Variants in SEMA4D observed in about 807,000 individuals in gnomAD.
SEMA4D encodes the protein semaphorin-4D.
In SEMA4D, 22 loss-of-function variants were observed where a neutral mutation model predicts 74.8. The ratio of observed to expected loss-of-function variants is 0.29; its 90% CI spans 0.21 to 0.42. The LOEUF (loss-of-function observed/expected upper bound fraction) is 0.42, where lower values mean the gene tolerates loss of function less well. Among genes scored for constraint, SEMA4D ranks in the 10% least tolerant of loss-of-function variants. The pLI is 1.00. For missense variants in SEMA4D, 937 were observed against 1,118.4 expected (o/e 0.84, Z 2.31); for synonymous variants, 445 against 463.7 (o/e 0.96, Z 0.52).
intron 2 of SEMA4D, chr9:89,417,965 C>A (rs930197328): frequency 1.2e-5 from 5 of 420,040 alleles, no homozygotes; most frequent in Non-Finnish European, 1.6e-5. Context: ...AGGGACCAAG[C>A]AACCAACCAC....
At chr9:89,471,313 TTAATGC>T (rs775699503) in intron 1 of SEMA4D, among the ~76,000 whole-genome samples, 1 of 152,186 alleles carries the variant, frequency 6.6e-6, no homozygotes, top group Non-Finnish European at 1.5e-5. Flanking sequence ...ATGGATGTAC[TTAATGC>T]CACTAAACTA....
chr9:89,398,662 A>C (rs1342992788), intron 5 of SEMA4D, among the ~76,000 whole-genome samples: 1 of 152,186 alleles, frequency 6.6e-6, no homozygotes, highest in East Asian at 1.9e-4. Context: ...ATAAGAGAGC[A>C]CTGTAACGCA....
chr9:89,433,091 G>C (rs943272649), intron 2 of SEMA4D, among the ~76,000 whole-genome samples: 3 of 152,224 alleles, frequency 2.0e-5, no homozygotes, highest in African/African-American at 7.2e-5. Context: ...TCTAGGACTT[G>C]CCAAGTGCTG....
At chr9:89,477,762 GTCT>G (rs1204134598) in intron 1 of SEMA4D, among the ~76,000 whole-genome samples, 1 of 152,136 alleles carries the variant, frequency 6.6e-6, no homozygotes, top group African/African-American at 2.4e-5. Flanking sequence ...TTTGCTTTCT[GTCT>G]TCATTTTCTG....
At chr9:89,454,237 T>C (rs1855382176) in intron 2 of SEMA4D, among the ~76,000 whole-genome samples, 2 of 152,168 alleles carry the variant, frequency 1.3e-5, no homozygotes, top group South Asian at 4.1e-4. Flanking sequence ...AACCCGGCTT[T>C]CTAAAGGGGA....
chr9:89,394,522 A>G (rs1442026151), intron 6 of SEMA4D, among the ~76,000 whole-genome samples: 2 of 152,272 alleles, frequency 1.3e-5, no homozygotes, highest in African/African-American at 4.8e-5. Context: ...GCCGGGAACC[A>G]GAGAGCACAC....
intron 2 of SEMA4D, among the ~76,000 whole-genome samples, chr9:89,411,717 G>C (rs1844560616): frequency 6.6e-6 from 1 of 152,242 alleles, no homozygotes. Context: ...AGTGGATCCA[G>C]AAGCAGAAGA....
At chr9:89,412,738 T>C (rs35208026) in intron 2 of SEMA4D, among the ~76,000 whole-genome samples, 23,516 of 152,174 alleles carry the variant, frequency 0.15, 2,392 homozygotes, top group Non-Finnish European at 0.22. Flanking sequence ...ACAGTCCACA[T>C]GAGTAGCCAA....
chr9:89,393,460 G>A (rs1220105004), intron 7 of SEMA4D, 102 bp downstream of exon 7: 2 of 969,700 alleles, frequency 2.1e-6, no homozygotes, highest in South Asian at 1.4e-5. Flanking sequence ...TTTAAACAAA[G>A]CCAAGGAAGA....
chr9:89,453,803 G>A (rs1209229776), intron 2 of SEMA4D, among the ~76,000 whole-genome samples: 2 of 151,562 alleles, frequency 1.3e-5, no homozygotes, highest in South Asian at 2.1e-4. Context: ...GCTGGGAAAA[G>A]TCCCTTAAAA....
At chr9:89,461,309 C>T (rs574367806) in intron 1 of SEMA4D, among the ~76,000 whole-genome samples, 7 of 152,160 alleles carry the variant, frequency 4.6e-5, no homozygotes, top group South Asian at 2.1e-4. Flanking sequence ...CTATCAGCAA[C>T]GAGCAGAAAT....
At chr9:89,392,592 C>T in intron 7 of SEMA4D, 56 bp from the exon 8 acceptor site, 1 of 1,057,926 alleles carries the variant, frequency 9.5e-7, no homozygotes, top group South Asian at 1.3e-5. Context: ...GGCTATGGCA[C>T]CAACACTGGG....
intron 2 of SEMA4D, among the ~76,000 whole-genome samples, chr9:89,409,846 A>G (rs1213429846): frequency 6.6e-6 from 1 of 152,200 alleles, no homozygotes; most frequent in Non-Finnish European, 1.5e-5. Flanking sequence ...GCGTATCCCA[A>G]TAAGCATGCT....
At chr9:89,367,684 C>G (rs1471009139) in intron 16 of SEMA4D, 1 of 152,296 alleles carries the variant, frequency 6.6e-6, no homozygotes, top group Non-Finnish European at 1.5e-5. Context: ...AAGTTGAAGG[C>G]AAATTAACTG....
intron 18 of SEMA4D, chr9:89,363,367 A>T: frequency 6.3e-7 from 1 of 1,595,540 alleles, no homozygotes; most frequent in Non-Finnish European, 8.5e-7. Flanking sequence ...GATCCACTGG[A>T]TGTGGCAGGT....
chr9:89,371,940 TG>T (rs1834996610), intron 16 of SEMA4D, among the ~76,000 whole-genome samples: 1 of 128,376 alleles, frequency 7.8e-6, no homozygotes, highest in Non-Finnish European at 1.7e-5. Context: ...GTGTGGGGTG[TG>T]GTGTGTGTGG....
Position 89,388,626 on chromosome 9 carries a change from C to T in SEMA4D, c.1107+10G>A, listed in dbSNP as rs1310483683. The T allele has an allele frequency of 1.3e-6, 2 of 1,594,424 alleles. No homozygotes were observed. ...GGAAAGCACGGCCCGCCCCCAGTGC[C>T]CCAGCTCACCGCTCCAGGCCGCGGC... is the stretch of plus-strand genomic sequence containing the variant. On this transcript the variant is annotated intron_variant, in intron 11 of 15. Coordinates refer to ENST00000422704, the MANE Select transcript of SEMA4D (RefSeq NM_001371194.2).
At position 89,481,583 on chromosome 9, in the gene SEMA4D, T is replaced by C. The variant is rs549507039; in HGVS notation, c.-310+16336A>G. 4.3e-4 allele frequency among the ~76,000 whole-genome samples: 65 copies of C among 152,370 alleles called. No individual in the cohort carries two copies. In the South Asian group the frequency reaches 0.013, roughly 31 times the overall value. ...AAGCCGAGAGGGCAGCAGACACCCG[T>C]GGCGGATATAAATGTGCCTAAATTG... is the stretch of plus-strand genomic sequence containing the variant. On this transcript the variant is annotated intron_variant, in intron 1 of 15. Coordinates refer to ENST00000422704, the MANE Select transcript of SEMA4D (RefSeq NM_001371194.2).
In SEMA4D at chr9:89,392,551, A is replaced by T. The variant is rs369391197; in HGVS notation, c.509-15T>A. On this transcript the variant is annotated splice_polypyrimidine_tract_variant and intron_variant, in intron 7 of 15. Transcript: ENST00000422704. ...AAGTTCTCCATCTGCAGGGGCCCAG[A>T]AGAAAAGAGGAAAAGGGAACCAACC... 30 of 1,570,110 alleles carry T rather than the reference A, an allele frequency of 1.9e-5. No homozygotes were observed. The highest frequency in any genetic ancestry group is 1.6e-4 in the African/African-American group (12 of 74,178).
Sources: gnomAD v4.1 joint callset for allele counts (sites outside exome capture counted in the v4.1 genomes callset) on GRCh38, gnomAD v4.1.1 for gene constraint, MANE v1.5 for transcripts, NCBI Gene and HGNC (gene_info 2026-07-23, HGNC 2026-07-21) for gene names.